PHIP: variants seen among roughly 807,000 people sequenced by gnomAD.
PHIP encodes PHIP subunit of CUL4-Ring ligase complex.
In PHIP, 54 loss-of-function variants were observed where a neutral mutation model predicts 236.8. The ratio of observed to expected loss-of-function variants is 0.23; its 90% CI spans 0.18 to 0.29. The LOEUF is 0.29. Ranked by LOEUF, PHIP falls within the 10% of genes least tolerant of loss-of-function variation. The pLI, the probability that PHIP is intolerant of heterozygous loss-of-function variation, is 1.00. For synonymous variants in PHIP, 756 were observed against 718.9 expected (o/e 1.05, Z -0.83); for missense variants, 1,370 against 2,190.8 (o/e 0.63, Z 7.48).
chr6:78,960,770 G>A (rs1014655196), intron 31 of PHIP, among the ~76,000 whole-genome samples: 3 of 152,064 alleles, frequency 2.0e-5, no homozygotes, highest in African/African-American at 7.2e-5. Flanking sequence ...CTGGCATCTA[G>A]TGGGTACAGG....
chr6:79,058,002 C>G (rs1245227678), intron 6 of PHIP, among the ~76,000 whole-genome samples: 6 of 152,028 alleles, frequency 3.9e-5, no homozygotes, highest in Admixed American at 2.0e-4. Flanking sequence ...AGCTTCTCTG[C>G]AGTGCTTTCA....
rs1485736179 is a variant in PHIP at position 78,936,338 on chromosome 6, T to A, written c.*4355A>T. On this transcript the variant is annotated 3_prime_UTR_variant, in exon 40 of 40. Transcript: ENST00000275034. ...TGTCTAAATATCCTGTGACAGGATT[T>A]AAGTTTTCTAAAAGATCTTCAGTAA... 1 of 151,948 alleles carries A rather than the reference T, an allele frequency of 6.6e-6. No homozygotes were observed. Among genetic ancestry groups the A allele is most frequent in the Non-Finnish European group, 1.5e-5 (1 of 67,808 alleles). The allele number at this position is 151,948 out of a possible 1,614,324, so 9.4% of individuals were successfully genotyped here. A position where few individuals can be genotyped will look rare whatever the true frequency, so the allele number is the denominator to read the frequency against.
chr6:79,073,751 A>T lies in PHIP; in HGVS notation c.189+3697T>A, dbSNP rs537206595. Among the ~76,000 whole-genome samples the T allele has an allele frequency of 5.9e-5, 9 of 152,286 alleles. No homozygotes were observed. The South Asian group carries it at 1.9e-3, about 32-fold the overall frequency. On this transcript the variant is annotated intron_variant, in intron 4 of 39. Coordinates refer to ENST00000275034, the MANE Select transcript of PHIP (RefSeq NM_017934.7). Reference sequence around the variant, plus strand: ...TAGTACTTAAACTATGATGGAAATCATGGTAATTTTGGGGCATTTTACAAC... The same window carrying T: ...TAGTACTTAAACTATGATGGAAATCTTGGTAATTTTGGGGCATTTTACAAC...
chr6:78,963,307 T>C, intron 29 of PHIP, 55 bp from the exon 30 acceptor site: 2 of 1,414,872 alleles, frequency 1.4e-6, no homozygotes, highest in South Asian at 2.7e-5. Flanking sequence ...AGTATTCAGG[T>C]TAGCTTTAGA....
At position 79,057,993 on chromosome 6, in the gene PHIP, G is replaced by C. The variant is rs114815405; in HGVS notation, c.439+2485C>G. On this transcript the variant is annotated intron_variant, in intron 6 of 39. Transcript: ENST00000275034. ...AAGTTGAGTCATTTTGGTCAGTCTA[G>C]CTTCTCTGCAGTGCTTTCAAAAAAT... 6.0e-4 allele frequency among the ~76,000 whole-genome samples: 91 copies of C among 152,176 alleles called. 1 individual carries two copies. Among genetic ancestry groups the C allele is most frequent in the African/African-American group, 2.1e-3 (86 of 41,534 alleles).
At chr6:78,966,122 AC>A in intron 27 of PHIP, 66 bp from the exon 28 acceptor site, 1 of 994,614 alleles carries the variant, frequency 1.0e-6, no homozygotes, top group Non-Finnish European at 1.6e-6. Context: ...CTTTTTCCTA[AC>A]GTTAACCTTT....
intron 20 of PHIP, among the ~76,000 whole-genome samples, chr6:78,989,085 T>TA (rs1318108048): frequency 1.2e-4 from 14 of 118,352 alleles, no homozygotes; most frequent in Admixed American, 1.1e-3. Flanking sequence ...AATTTATACC[T>TA]AAAAAACACA....
intron 4 of PHIP, among the ~76,000 whole-genome samples, chr6:79,070,519 T>C (rs1773830532): frequency 6.6e-6 from 1 of 152,158 alleles, no homozygotes; most frequent in Non-Finnish European, 1.5e-5. Context: ...AAACACAAGG[T>C]ATGTATTTCT....
intron 35 of PHIP, 76 bp from the exon 36 acceptor site, chr6:78,947,851 G>C: frequency 2.1e-6 from 2 of 952,422 alleles, no homozygotes; most frequent in Non-Finnish European, 1.6e-6. Flanking sequence ...GATTCGCACA[G>C]GATTTTTATG....
chr6:78,974,133 T>A (rs1202108169), intron 24 of PHIP, among the ~76,000 whole-genome samples: 5 of 151,432 alleles, frequency 3.3e-5, no homozygotes, highest in Admixed American at 2.0e-4. Context: ...GAAGTAAAGC[T>A]CTCCTCAGCA....
chr6:79,055,181 T>C (rs923096575), intron 6 of PHIP, among the ~76,000 whole-genome samples: 2 of 152,194 alleles, frequency 1.3e-5, no homozygotes, highest in Middle Eastern at 3.4e-3. Flanking sequence ...ATGAAAGACC[T>C]AGAGATAAAA....
At chr6:78,994,228 T>C (rs1447019132) in intron 19 of PHIP, among the ~76,000 whole-genome samples, 1 of 152,220 alleles carries the variant, frequency 6.6e-6, no homozygotes, top group Non-Finnish European at 1.5e-5. Flanking sequence ...TGAGGGAGGC[T>C]ACTCTAGTGA....
chr6:79,076,302 G>C (rs1194230827), intron 4 of PHIP, among the ~76,000 whole-genome samples: 1 of 152,154 alleles, frequency 6.6e-6, no homozygotes, highest in Admixed American at 6.5e-5. Context: ...CTAGTCATTA[G>C]AGAAGTTCTG....
At chr6:79,000,706 A>G (rs1370832227) in intron 17 of PHIP, among the ~76,000 whole-genome samples, 2 of 151,996 alleles carry the variant, frequency 1.3e-5, no homozygotes, top group Non-Finnish European at 2.9e-5. Context: ...AACTTCTCTA[A>G]TACTGAAACT....
At position 78,934,572 on chromosome 6, in the gene PHIP, G is replaced by T. The variant is rs142020210; in HGVS notation, c.*6121C>A. Among the ~76,000 whole-genome samples, 3 of 152,236 alleles carry T rather than the reference G, an allele frequency of 2.0e-5. No individual in the cohort carries two copies. Among genetic ancestry groups the T allele is most frequent in the Admixed American group, 1.3e-4 (2 of 15,292 alleles). Reference sequence around the variant, plus strand: ...ACTTAACAACAATCAGGTCATGGCCGCAAGACACAGCTTGTCTGGAAGCTA... The same window carrying T: ...ACTTAACAACAATCAGGTCATGGCCTCAAGACACAGCTTGTCTGGAAGCTA... On this transcript the variant is annotated 3_prime_UTR_variant, in exon 40 of 40. Transcript: ENST00000275034.
rs548058288 is a variant in PHIP, at chr6:78,966,230, G to A, written c.3206-174C>T. Among the ~76,000 whole-genome samples, 97 of 152,230 alleles carry A rather than the reference G, an allele frequency of 6.4e-4. 1 individual carries two copies. In the South Asian group the frequency reaches 8.1e-3, roughly 13 times the overall value. On this transcript the variant is annotated intron_variant, in intron 27 of 39. Transcript: ENST00000275034. The stretch of plus-strand genomic sequence containing the variant: ...AATCAGCAATACCAAGAGAAAAAAG[G>A]AATTTAGTAAGCATACTTGAAGTGT...
At chr6:78,970,231 T>A in intron 25 of PHIP, 58 bp from the exon 26 acceptor site, 1 of 1,447,504 alleles carries the variant, frequency 6.9e-7, no homozygotes, top group Non-Finnish European at 9.5e-7. Context: ...CAAAATAGAC[T>A]GCTAAACATT....
At chr6:79,041,657 G>C (rs185243006) in intron 7 of PHIP, among the ~76,000 whole-genome samples, 1 of 151,862 alleles carries the variant, frequency 6.6e-6, no homozygotes, top group African/African-American at 2.4e-5. Context: ...ATTAATTTTC[G>C]ATTACTATTT....
intron 6 of PHIP, among the ~76,000 whole-genome samples, chr6:79,047,053 T>C (rs1413428034): frequency 1.3e-5 from 2 of 152,170 alleles, no homozygotes; most frequent in African/African-American, 4.8e-5. Context: ...ATATAGAGGA[T>C]AAATGAAATA....
Sources: allele counts gnomAD v4.1 joint callset (sites outside exome capture counted in the v4.1 genomes callset), GRCh38; gene constraint gnomAD v4.1.1; transcripts MANE v1.5; gene names NCBI Gene and HGNC (gene_info 2026-07-23, HGNC 2026-07-21).